The following CCNY variants were observed in gnomAD, a reference collection of about 807,000 sequenced individuals.
CCNY encodes cyclin Y, also known as cyclin-Y.
CCNY carries 19 observed loss-of-function variants against 42.8 expected under a neutral mutation model. The ratio of observed to expected loss-of-function variants is 0.44; its 90% CI spans 0.31 to 0.65. The LOEUF is 0.65. CCNY is among the 30% of genes least tolerant of loss of function. The probability of loss-of-function intolerance (pLI) is 0.07; values close to 1 mark genes in which losing one functional copy is unlikely to be tolerated. For missense variants in CCNY, 370 were observed against 437.3 expected (o/e 0.85, Z 1.37); for synonymous variants, 165 against 162.7 (o/e 1.01, Z -0.11).
chr10:35,554,965 C>A (rs945195962), intron 8 of CCNY, among the ~76,000 whole-genome samples: 3 of 152,170 alleles, frequency 2.0e-5, no homozygotes, highest in Non-Finnish European at 4.4e-5. Flanking sequence ...AAAATGCCAG[C>A]AAACTGAATT....
In CCNY at chr10:35,280,478, A is replaced by AGAAGGAAG. The variant is rs144433317; in HGVS notation, c.-9+29877_-9+29884dup. The stretch of plus-strand genomic sequence containing the variant: ...AGGAAAGAAGGGAGGAAGGAAGGAA[A>AGAAGGAAG]GAAGGAAGGAAGGAAGGAAGGAAGG... On this transcript the variant is annotated intron_variant, in intron 3 of 11. Transcript: ENST00000374706. 1.4e-3 allele frequency among the ~76,000 whole-genome samples: 204 copies of AGAAGGAAG among 148,410 alleles called. 2 individuals are homozygous for AGAAGGAAG. The highest frequency in any genetic ancestry group is 2.9e-3 in the African/African-American group (117 of 40,118).
intron 1 of CCNY, among the ~76,000 whole-genome samples, chr10:35,430,813 T>TA (rs1446844059): frequency 6.6e-6 from 1 of 152,104 alleles, no homozygotes; most frequent in Non-Finnish European, 1.5e-5. Flanking sequence ...ATAGAATTTT[T>TA]AAAAAAATTT....
At chr10:35,482,629 C>T (rs1260049096) in intron 1 of CCNY, among the ~76,000 whole-genome samples, 2 of 152,020 alleles carry the variant, frequency 1.3e-5, no homozygotes, top group Non-Finnish European at 2.9e-5. Flanking sequence ...GTCTTATGTC[C>T]CATAAGGGAC....
At chr10:35,311,333 C>A (rs540163959) in intron 3 of CCNY, among the ~76,000 whole-genome samples, 120 of 151,052 alleles carry the variant, frequency 7.9e-4, no homozygotes, top group Non-Finnish European at 1.4e-3. Context: ...ACAACAACAA[C>A]AAAAAAATAC....
intron 1 of CCNY, among the ~76,000 whole-genome samples, chr10:35,471,671 G>A (rs1015375102): frequency 1.1e-4 from 17 of 152,222 alleles, no homozygotes; most frequent in Admixed American, 3.9e-4. Context: ...CAGTGTGACC[G>A]AACACTCAGT....
At chr10:35,280,078 G>A (rs1835282607) in intron 3 of CCNY, among the ~76,000 whole-genome samples, 1 of 152,128 alleles carries the variant, frequency 6.6e-6, no homozygotes, top group Non-Finnish European at 1.5e-5. Context: ...TTGTATCTAT[G>A]TCCAGTTGAT....
intron 1 of CCNY, among the ~76,000 whole-genome samples, chr10:35,378,560 A>G (rs1837105572): frequency 6.6e-6 from 1 of 151,892 alleles, no homozygotes; most frequent in Non-Finnish European, 1.5e-5. Context: ...TGTGTTGAGA[A>G]AAGTTAGGAG....
chr10:35,278,371 C>T lies in CCNY; in HGVS notation c.-9+27745C>T, dbSNP rs1248853142. Among the ~76,000 whole-genome samples the T allele has an allele frequency of 2.0e-5, 3 of 152,046 alleles. No individual in the cohort carries two copies. The East Asian group carries it at 5.8e-4, about 29-fold the overall frequency. On this transcript the variant is annotated intron_variant, in intron 3 of 11. Transcript: ENST00000374706. Reference sequence around the variant, plus strand: ...AACCAAGGCCACTCCAGGTGAAAGTCAGTCCCTGAACTGCTGCAGCACCCC... The same window carrying T: ...AACCAAGGCCACTCCAGGTGAAAGTTAGTCCCTGAACTGCTGCAGCACCCC...
At chr10:35,518,868 CAG>C (rs1290342663) in intron 4 of CCNY, among the ~76,000 whole-genome samples, 1 of 118,350 alleles carries the variant, frequency 8.4e-6, no homozygotes, top group Admixed American at 8.0e-5. Context: ...GGATTTTTAA[CAG>C]ATCTTGATTG....
chr10:35,531,542 C>T (rs1840771156), intron 7 of CCNY, among the ~76,000 whole-genome samples: 1 of 152,202 alleles, frequency 6.6e-6, no homozygotes, highest in Admixed American at 6.5e-5. Flanking sequence ...CAGCTTTGTT[C>T]CTCAAAGGGA....
At chr10:35,321,104 A>C (rs1448211378) in intron 3 of CCNY, 1 of 137,982 alleles carries the variant, frequency 7.2e-6, no homozygotes, top group Non-Finnish European at 1.6e-5. Flanking sequence ...TGACAGAGTG[A>C]GGCTTTGTCT....
chr10:35,378,219 A>G lies in CCNY; in HGVS notation c.154+41012A>G, dbSNP rs907406229. ...ACTAATTTATGCAGATCTTCCAAAT[A>G]TTGACTCATTTCATTATTCTGTCTA... On this transcript the variant is annotated intron_variant, in intron 1 of 9. Coordinates refer to ENST00000374704, the MANE Select transcript of CCNY (RefSeq NM_145012.6). Among the ~76,000 whole-genome samples, 22 of 152,140 alleles carry G rather than the reference A, an allele frequency of 1.4e-4. 1 individual carries two copies. Among genetic ancestry groups the G allele is most frequent in the African/African-American group, 5.1e-4 (21 of 41,426 alleles).
intron 1 of CCNY, among the ~76,000 whole-genome samples, chr10:35,353,426 A>G (rs1836469648): frequency 6.6e-6 from 1 of 152,196 alleles, no homozygotes; most frequent in African/African-American, 2.4e-5. Context: ...TTTAGTGTGG[A>G]AGACAGAATA....
At chr10:35,558,623 G>C (rs1164969124) in intron 8 of CCNY, among the ~76,000 whole-genome samples, 1 of 152,096 alleles carries the variant, frequency 6.6e-6, no homozygotes, top group Non-Finnish European at 1.5e-5. Flanking sequence ...ATTAAAATGG[G>C]GTCATTAGGG....
rs182025285 is a variant in CCNY, at chr10:35,439,327, A to G, written c.155-44077A>G. ...CTGGTCTATTTCTCGATTTCTCTCT[A>G]TTGTTAAGTTTGGGTAATTTCTTTT... is the stretch of plus-strand genomic sequence containing the variant. On this transcript the variant is annotated intron_variant, in intron 1 of 9. Transcript: ENST00000374704. Among the ~76,000 whole-genome samples the G allele has an allele frequency of 4.4e-4, 67 of 151,884 alleles. No individual in the cohort carries two copies. The East Asian group carries it at 0.012, about 27-fold the overall frequency.
At position 35,483,432 on chromosome 10, in the gene CCNY, TC is replaced by T; in HGVS notation, c.184del (p.His62IlefsTer16). On this transcript the variant is annotated frameshift_variant, in exon 2 of 10. Transcript: ENST00000374704. LOFTEE classifies it high-confidence loss of function. The stretch of plus-strand genomic sequence containing the variant: ...TGAACATGGAATTCAATCCTTCAGA[TC>T]ATCCTCGGGCCAGCACAATATTCCT... ...DLNMEFNPSD[H>X]PRASTIFLSK... 1 of 1,608,788 alleles carries T rather than the reference TC, an allele frequency of 6.2e-7. No individual in the cohort carries two copies. Among genetic ancestry groups the T allele is most frequent in the Non-Finnish European group, 8.5e-7 (1 of 1,176,328 alleles).
At chr10:35,343,283 C>T (rs1042220465) in intron 1 of CCNY, among the ~76,000 whole-genome samples, 2 of 151,688 alleles carry the variant, frequency 1.3e-5, no homozygotes, top group Non-Finnish European at 2.9e-5. Flanking sequence ...GCCACTGCGC[C>T]CAGTCTCCTG....
intron 7 of CCNY, among the ~76,000 whole-genome samples, chr10:35,552,471 T>C (rs2135450450): frequency 6.6e-6 from 1 of 152,320 alleles, no homozygotes; most frequent in South Asian, 2.1e-4. Flanking sequence ...CAGGTGAATG[T>C]GGTAACCACC....
chr10:35,388,754 T>C (rs1307221093), intron 1 of CCNY, among the ~76,000 whole-genome samples: 1 of 152,222 alleles, frequency 6.6e-6, no homozygotes, highest in Non-Finnish European at 1.5e-5. Context: ...AGTTTAGAAG[T>C]CTGACCTGGG....
Sources: gnomAD v4.1 joint callset for allele counts (sites outside exome capture counted in the v4.1 genomes callset) on GRCh38, gnomAD v4.1.1 for gene constraint, MANE v1.5 for transcripts, NCBI Gene and HGNC (gene_info 2026-07-23, HGNC 2026-07-21) for gene names.